The following COL28A1 variants were observed in gnomAD, a reference collection of about 807,000 sequenced individuals.
COL28A1 encodes the protein collagen alpha-1(XXVIII) chain.
A neutral mutation model predicts 150.2 loss-of-function variants in COL28A1; 161 were observed. That is an observed-to-expected ratio of 1.07 (90% CI 0.94 to 1.22). COL28A1 has a LOEUF of 1.22. Ranked by LOEUF, COL28A1 falls within the 50% of genes most tolerant of loss-of-function variation. The probability of loss-of-function intolerance (pLI) is 0.00; values close to 1 mark genes in which losing one functional copy is unlikely to be tolerated. For synonymous variants in COL28A1, 552 were observed against 469.7 expected, an observed-to-expected ratio of 1.18 and a Z score of -2.26; for missense variants, 1,617 against 1,388.3, an observed-to-expected ratio of 1.16 and a Z score of -2.62.
chr7:7,542,206 G>A, the COL28A1 span, among the ~76,000 whole-genome samples: 2 of 152,114 alleles, frequency 1.3e-5, no homozygotes, highest in African/African-American at 4.8e-5. Context: ...AAATTAGCTG[G>A]GCGTGGTGGT....
chr7:7,492,910 A>T (rs963001042), intron 11 of COL28A1, among the ~76,000 whole-genome samples: 8 of 150,356 alleles, frequency 5.3e-5, no homozygotes, highest in Admixed American at 4.0e-4. Flanking sequence ...CAGTTGACTG[A>T]CATTCTCATT....
intron 13 of COL28A1, among the ~76,000 whole-genome samples, chr7:7,487,151 AT>A (rs1779669523): frequency 1.3e-5 from 2 of 148,374 alleles, no homozygotes; most frequent in Admixed American, 6.8e-5. Flanking sequence ...ATATTTCATT[AT>A]TTAAAAAAAA....
chr7:7,533,301 T>C (rs1465655913), intron 1 of COL28A1, among the ~76,000 whole-genome samples: 1 of 152,166 alleles, frequency 6.6e-6, no homozygotes, highest in Non-Finnish European at 1.5e-5. Context: ...GATTGCTATA[T>C]GGTCATTTCA....
intron 23 of COL28A1, among the ~76,000 whole-genome samples, chr7:7,434,249 T>A (rs1785186140): frequency 6.6e-6 from 1 of 152,214 alleles, no homozygotes; most frequent in Non-Finnish European, 1.5e-5. Context: ...GGTGATTTTT[T>A]AAAGTTGAAT....
At chr7:7,338,405 T>C in the COL28A1 span, among the ~76,000 whole-genome samples, 1 of 152,122 alleles carries the variant, frequency 6.6e-6, no homozygotes, top group Non-Finnish European at 1.5e-5. Flanking sequence ...GTAAAGATCT[T>C]TCTGCTCCTT....
chr7:7,463,778 G>A lies in COL28A1; in HGVS notation c.1303-7666C>T, dbSNP rs144764729. ...AAAATATAATAAAAAAGGTATATAGGCAAAAAATAGCACAGTGAATGGTAC... is the reference window on the plus strand; with the variant it reads ...AAAATATAATAAAAAAGGTATATAGACAAAAAATAGCACAGTGAATGGTAC... On this transcript the variant is annotated intron_variant, in intron 15 of 34. Transcript: ENST00000399429. 1.8e-3 allele frequency among the ~76,000 whole-genome samples: 270 copies of A among 152,116 alleles called. 2 individuals carry two copies. The highest frequency in any genetic ancestry group is 5.9e-3 in the African/African-American group (244 of 41,530).
In COL28A1 at chr7:7,474,685, A is replaced by T; in HGVS notation, c.1234-16T>A. ...CTTTTTCACCCTGAAAGTACAAGGG[A>T]GGGATATCAATGCACCAACCAAAAT... On this transcript the variant is annotated splice_polypyrimidine_tract_variant and intron_variant, in intron 14 of 34. Coordinates refer to ENST00000399429, the MANE Select transcript of COL28A1 (RefSeq NM_001037763.3). 8.6e-7 allele frequency: 1 copy of T among 1,158,726 alleles called. No individual in the cohort carries two copies. 71.8% of individuals were successfully genotyped at this position (1,158,726 alleles called of 1,614,324 possible).
intron 28 of COL28A1, among the ~76,000 whole-genome samples, chr7:7,381,297 C>G (rs972281868): frequency 1.3e-5 from 2 of 152,120 alleles, no homozygotes; most frequent in Non-Finnish European, 2.9e-5. Context: ...ATTGCTCAAG[C>G]TGGTCTTGAA....
Position 7,519,156 on chromosome 7 carries a change from A to C in COL28A1, c.813+906T>G, listed in dbSNP as rs987198951. 2.6e-5 allele frequency among the ~76,000 whole-genome samples: 4 copies of C among 152,212 alleles called. No homozygotes were observed. In the East Asian group the frequency reaches 7.7e-4, roughly 29 times the overall value. On this transcript the variant is annotated intron_variant, in intron 6 of 34. Coordinates refer to ENST00000399429, the MANE Select transcript of COL28A1 (RefSeq NM_001037763.3). Reference sequence around the variant, plus strand: ...TTCCACAGTGCTGGGGAGACCTCATAATCATGGAGGAAGGTGAAGCAGGAA... The same window carrying C: ...TTCCACAGTGCTGGGGAGACCTCATCATCATGGAGGAAGGTGAAGCAGGAA...
At chr7:7,511,663 A>G (rs1260266412) in intron 8 of COL28A1, 2 of 457,280 alleles carry the variant, frequency 4.4e-6, no homozygotes, top group East Asian at 1.4e-4. Flanking sequence ...TTGACCACCT[A>G]GTAGTGTTCA....
intron 3 of COL28A1, among the ~76,000 whole-genome samples, chr7:7,526,801 A>G (rs923400020): frequency 1.3e-5 from 2 of 151,958 alleles, no homozygotes; most frequent in African/African-American, 4.8e-5. Context: ...AGCCAGGGTA[A>G]TTTTTGTATT....
Position 7,373,682 on chromosome 7 carries a change from G to A in COL28A1, c.2360-136C>T, listed in dbSNP as rs1439972334. 2.3e-5 allele frequency: 16 copies of A among 704,902 alleles called. No homozygotes were observed. The East Asian group carries it at 4.3e-4, about 19-fold the overall frequency. The allele number at this position is 704,902 out of a possible 1,614,324, so 43.7% of individuals were successfully genotyped here. A position where few individuals can be genotyped will look rare whatever the true frequency, so the allele number is the denominator to read the frequency against. On this transcript the variant is annotated intron_variant, in intron 31 of 34. Coordinates refer to ENST00000399429, the MANE Select transcript of COL28A1 (RefSeq NM_001037763.3). This position sits in a 1 kb window ranked among gnomAD's most constrained non-coding sequence, Gnocchi z 4.1. The stretch of plus-strand genomic sequence containing the variant: ...CTTTTCTGTGATTGTGAAAATACCT[G>A]ACAGCTGTCTCCATTCTGGTTTCTT...
At chr7:7,398,268 C>T (rs536595434) in intron 27 of COL28A1, among the ~76,000 whole-genome samples, 1 of 152,312 alleles carries the variant, frequency 6.6e-6, no homozygotes, top group South Asian at 2.1e-4. Flanking sequence ...CTTAGCTCAG[C>T]TCTCAATACT....
At chr7:7,341,821 G>A in the COL28A1 span, among the ~76,000 whole-genome samples, 1 of 151,984 alleles carries the variant, frequency 6.6e-6, no homozygotes, top group Non-Finnish European at 1.5e-5. Context: ...CTTTGCCTTT[G>A]AAATTTGTTG....
At chr7:7,348,253 G>C in the COL28A1 span, among the ~76,000 whole-genome samples, 3 of 152,032 alleles carry the variant, frequency 2.0e-5, no homozygotes, top group African/African-American at 7.2e-5. Context: ...AGCGATTCTA[G>C]CTGCTCTATG....
chr7:7,391,105 T>C lies in COL28A1; in HGVS notation c.2137-9493A>G, dbSNP rs140870587. Among the ~76,000 whole-genome samples, 1,025 of 152,352 alleles carry C rather than the reference T, an allele frequency of 6.7e-3. 10 individuals carry two copies. The highest frequency in any genetic ancestry group is 0.031 in the Middle Eastern group (9 of 294). On this transcript the variant is annotated intron_variant, in intron 27 of 34. Coordinates refer to ENST00000399429, the MANE Select transcript of COL28A1 (RefSeq NM_001037763.3). ...TTTAAATCTTTCCCACTTTCTCTTG[T>C]GGGCATTTCGTGCTATAAATTTCCC...
chr7:7,541,395 A>C, the COL28A1 span, among the ~76,000 whole-genome samples: 1 of 152,262 alleles, frequency 6.6e-6, no homozygotes, highest in South Asian at 2.1e-4. Flanking sequence ...TATTATCATT[A>C]TTCATTGTTT....
intron 27 of COL28A1, among the ~76,000 whole-genome samples, chr7:7,388,347 CT>C (rs1419294415): frequency 1.3e-5 from 2 of 152,030 alleles, no homozygotes; most frequent in African/African-American, 2.4e-5. Context: ...TGAACTCATC[CT>C]TTTTTATGGC....
At chr7:7,400,918 CA>C (rs1057106617) in intron 27 of COL28A1, among the ~76,000 whole-genome samples, 3 of 148,966 alleles carry the variant, frequency 2.0e-5, no homozygotes, top group Admixed American at 1.3e-4. Flanking sequence ...TAAGACTTTC[CA>C]TTTTTTTTAT....
Sources: allele counts gnomAD v4.1 joint callset (sites outside exome capture counted in the v4.1 genomes callset), GRCh38; gene constraint gnomAD v4.1.1; non-coding constraint Gnocchi (gnomAD v3.1); transcripts MANE v1.5; gene names NCBI Gene and HGNC (gene_info 2026-07-23, HGNC 2026-07-21).